Variants in SGCZ observed in about 807,000 individuals in gnomAD.
SGCZ encodes zeta-sarcoglycan.
A neutral mutation model predicts 41.3 loss-of-function variants in SGCZ; 40 were observed. The ratio of observed to expected loss-of-function variants is 0.97; its 90% CI spans 0.75 to 1.26. The LOEUF (loss-of-function observed/expected upper bound fraction) is 1.26, where lower values mean the gene tolerates loss of function less well. SGCZ is among the 50% of genes most tolerant of loss of function. SGCZ has a pLI of 0.00. For synonymous variants in SGCZ, 206 were observed against 137.5 expected, an observed-to-expected ratio of 1.50 and a Z score of -3.49; for missense variants, 552 against 369.8, an observed-to-expected ratio of 1.49 and a Z score of -4.04.
intron 1 of SGCZ, among the ~76,000 whole-genome samples, chr8:14,923,898 T>G (rs972033099): frequency 1.3e-5 from 2 of 152,202 alleles, no homozygotes; most frequent in African/African-American, 4.8e-5. Context: ...TTATTTTGAA[T>G]GCAAGGGATT....
chr8:14,717,432 G>A (rs1420457602), intron 1 of SGCZ, among the ~76,000 whole-genome samples: 14 of 151,930 alleles, frequency 9.2e-5, no homozygotes, highest in African/African-American at 1.2e-4. Flanking sequence ...TCTACTTTTC[G>A]AAGAAAGGCA....
intron 1 of SGCZ, among the ~76,000 whole-genome samples, chr8:15,172,996 G>A (rs1585638793): frequency 6.6e-6 from 1 of 152,144 alleles, no homozygotes; most frequent in South Asian, 2.1e-4. Flanking sequence ...GAACTTTTTT[G>A]GATAACAATG....
Position 14,913,018 on chromosome 8 carries a change from C to G in SGCZ, c.39+324567G>C, listed in dbSNP as rs759585910. ...TGTTTGTCCTATTTTATAAAAATATCATGACAACTTTTCATAATGCATGCT... is the reference window on the plus strand; with the variant it reads ...TGTTTGTCCTATTTTATAAAAATATGATGACAACTTTTCATAATGCATGCT... On this transcript the variant is annotated intron_variant, in intron 1 of 7. Coordinates refer to ENST00000382080, the MANE Select transcript of SGCZ (RefSeq NM_139167.4). 1.8e-3 allele frequency among the ~76,000 whole-genome samples: 267 copies of G among 152,026 alleles called. 1 individual carries two copies. The highest frequency in any genetic ancestry group is 3.1e-3 in the Non-Finnish European group (213 of 67,898).
intron 1 of SGCZ, among the ~76,000 whole-genome samples, chr8:14,764,491 C>T (rs187770668): frequency 6.6e-6 from 1 of 152,126 alleles, no homozygotes; most frequent in Non-Finnish European, 1.5e-5. Context: ...AAGTGTAAAC[C>T]ATCACCTACA....
In SGCZ at chr8:14,712,710, G is replaced by A. The variant is rs537559629; in HGVS notation, c.40-157784C>T. On this transcript the variant is annotated intron_variant, in intron 1 of 7. Coordinates refer to ENST00000382080, the MANE Select transcript of SGCZ (RefSeq NM_139167.4). ...CCATAAAACGGTCTAATGTAGCCTT[G>A]AGAATAGTTTTATTTTCCTGGTTAT... Among the ~76,000 whole-genome samples the A allele has an allele frequency of 5.3e-5, 8 of 152,222 alleles. 1 individual carries two copies. The South Asian group carries it at 1.5e-3, about 28-fold the overall frequency.
chr8:14,320,852 T>C (rs956764979), intron 3 of SGCZ, among the ~76,000 whole-genome samples: 1 of 152,090 alleles, frequency 6.6e-6, no homozygotes, highest in African/African-American at 2.4e-5. Context: ...CCAAGAGGGC[T>C]GTTTAGTTCG....
At chr8:14,882,487 T>C (rs1804630540) in intron 1 of SGCZ, among the ~76,000 whole-genome samples, 1 of 152,172 alleles carries the variant, frequency 6.6e-6, no homozygotes. Context: ...TCGTTGGTAC[T>C]GTATCTATAG....
intron 2 of SGCZ, among the ~76,000 whole-genome samples, chr8:14,399,534 C>T (rs75229899): frequency 0.039 from 5,943 of 151,950 alleles, 349 homozygotes; most frequent in African/African-American, 0.13. Context: ...AAAAAAAAGT[C>T]CCAGTCTTTC....
At chr8:14,993,160 G>C (rs1179163990) in intron 1 of SGCZ, among the ~76,000 whole-genome samples, 1 of 152,054 alleles carries the variant, frequency 6.6e-6, no homozygotes, top group Non-Finnish European at 1.5e-5. Context: ...TCTATCTCCT[G>C]TCTTCCTTGA....
At chr8:14,751,359 A>G (rs187310828) in intron 1 of SGCZ, among the ~76,000 whole-genome samples, 49 of 152,260 alleles carry the variant, frequency 3.2e-4, no homozygotes, top group African/African-American at 7.7e-4. Flanking sequence ...GGAAAACATT[A>G]TCTAGTCCAT....
chr8:14,688,046 G>A (rs1808675098), intron 1 of SGCZ, among the ~76,000 whole-genome samples: 1 of 151,932 alleles, frequency 6.6e-6, no homozygotes, highest in South Asian at 2.1e-4. Context: ...GGGGTTGTTT[G>A]TTTTTTCTTG....
At chr8:14,600,029 T>G (rs549489926) in intron 1 of SGCZ, among the ~76,000 whole-genome samples, 1 of 152,278 alleles carries the variant, frequency 6.6e-6, no homozygotes, top group South Asian at 2.1e-4. Flanking sequence ...GTCTTTATCC[T>G]CAGCAAGGAA....
At chr8:14,431,412 C>A (rs1799938855) in intron 2 of SGCZ, among the ~76,000 whole-genome samples, 1 of 152,106 alleles carries the variant, frequency 6.6e-6, no homozygotes, top group South Asian at 2.1e-4. Context: ...TGATCTTTGA[C>A]AAAGCAAACA....
chr8:14,483,529 C>A (rs1431918889), intron 2 of SGCZ, among the ~76,000 whole-genome samples: 1 of 152,220 alleles, frequency 6.6e-6, no homozygotes, highest in Non-Finnish European at 1.5e-5. Flanking sequence ...TGTGATTGCA[C>A]TCCTGCATTC....
chr8:14,614,999 T>C (rs955922540), intron 1 of SGCZ, among the ~76,000 whole-genome samples: 1 of 63,584 alleles, frequency 1.6e-5, no homozygotes, highest in African/African-American at 4.6e-5. Flanking sequence ...TGTGTATATA[T>C]GTGTGTGTGT....
chr8:14,617,355 C>A (rs1039270724), intron 1 of SGCZ, among the ~76,000 whole-genome samples: 10 of 152,036 alleles, frequency 6.6e-5, no homozygotes, highest in South Asian at 6.2e-4. Flanking sequence ...ATGTACACTG[C>A]CTTTATGCCA....
At chr8:15,087,623 T>C (rs1805998845) in intron 1 of SGCZ, among the ~76,000 whole-genome samples, 1 of 152,226 alleles carries the variant, frequency 6.6e-6, no homozygotes, top group East Asian at 1.9e-4. Context: ...AAAGAGCTTG[T>C]CGAAAAAAAT....
At chr8:15,148,672 G>T (rs924989677) in intron 1 of SGCZ, among the ~76,000 whole-genome samples, 1 of 152,186 alleles carries the variant, frequency 6.6e-6, no homozygotes, top group Non-Finnish European at 1.5e-5. Flanking sequence ...GACAGAAGAT[G>T]CTTCACCCTT....
chr8:15,094,259 T>C (rs908586939), intron 1 of SGCZ, among the ~76,000 whole-genome samples: 2 of 152,004 alleles, frequency 1.3e-5, no homozygotes, highest in African/African-American at 4.8e-5. Flanking sequence ...CTCAGCCTCC[T>C]GAGTAACTGA....
Sources: gnomAD v4.1 joint callset for allele counts (sites outside exome capture counted in the v4.1 genomes callset) on GRCh38, gnomAD v4.1.1 for gene constraint, MANE v1.5 for transcripts, NCBI Gene and HGNC (gene_info 2026-07-23, HGNC 2026-07-21) for gene names.